Variants in LIFR observed in about 807,000 individuals in gnomAD.
LIFR encodes the protein LIF receptor subunit alpha, also known as leukemia inhibitory factor receptor.
LIFR carries 84 observed loss-of-function variants against 122.2 expected under a neutral mutation model. The observed-to-expected ratio is 0.69, with a 90% CI of 0.58 to 0.82. The LOEUF is 0.82. Among genes scored for constraint, LIFR ranks in the 40% least tolerant of loss-of-function variants. The pLI is 0.00. For missense variants in LIFR, 1,294 were observed against 1,311.6 expected, an observed-to-expected ratio of 0.99 and a Z score of 0.21; for synonymous variants, 422 against 434.7, an observed-to-expected ratio of 0.97 and a Z score of 0.36.
In LIFR at chr5:38,475,620, AC is replaced by A. The variant is rs1743689377; in HGVS notation, c.*5974del. The A allele has an allele frequency of 1.6e-5, 3 of 186,264 alleles. No individual in the cohort carries two copies. The highest frequency in any genetic ancestry group is 3.4e-5 in the Non-Finnish European group (3 of 87,918). 11.5% of individuals were successfully genotyped at this position (186,264 alleles called of 1,614,324 possible). ...AACATATAATACTCACTTTAAAAAA[AC>A]ATTCATTCTACAAACCTTATAAAAG... On this transcript the variant is annotated 3_prime_UTR_variant, in exon 20 of 20. Transcript: ENST00000453190.
chr5:38,599,858 A>AG (rs1750191764), upstream of LIFR, among the ~76,000 whole-genome samples: 1 of 152,218 alleles, frequency 6.6e-6, no homozygotes, highest in South Asian at 2.1e-4. Context: ...CCTCTCAGTA[A>AG]GGGCATTCCA....
chr5:38,500,359 G>T (rs1745114527), intron 11 of LIFR, among the ~76,000 whole-genome samples: 1 of 152,184 alleles, frequency 6.6e-6, no homozygotes, highest in Non-Finnish European at 1.5e-5. Context: ...AAGTGTTTCA[G>T]ATTTTGGATT....
At chr5:38,590,972 T>C (rs1449946722) in intron 1 of LIFR, among the ~76,000 whole-genome samples, 1 of 152,220 alleles carries the variant, frequency 6.6e-6, no homozygotes, top group Non-Finnish European at 1.5e-5. Flanking sequence ...CCTTATGGAA[T>C]GTACAGTCAG....
upstream of LIFR, among the ~76,000 whole-genome samples, chr5:38,600,138 A>G (rs912362396): frequency 6.6e-6 from 1 of 152,158 alleles, no homozygotes; most frequent in African/African-American, 2.4e-5. Context: ...CCAATCAGAA[A>G]ATCTTCTAAT....
intron 2 of LIFR, among the ~76,000 whole-genome samples, chr5:38,604,648 C>T (rs1463171957): frequency 1.3e-5 from 2 of 151,926 alleles, no homozygotes; most frequent in South Asian, 2.1e-4. Context: ...TTGCAGTGAG[C>T]CGAGATTGCG....
chr5:38,496,342 GT>G (rs1470873678), intron 13 of LIFR, 39 bp downstream of exon 13: 2 of 1,457,716 alleles, frequency 1.4e-6, no homozygotes, highest in Admixed American at 1.7e-5. Context: ...TCTCACTTTA[GT>G]TTCCCGTTCT....
chr5:38,599,637 GT>G (rs1750187456), upstream of LIFR, among the ~76,000 whole-genome samples: 1 of 152,164 alleles, frequency 6.6e-6, no homozygotes, highest in African/African-American at 2.4e-5. Flanking sequence ...TGCATTTTCA[GT>G]TACTTTTTTA....
At chr5:38,549,428 G>A (rs188566697) in intron 1 of LIFR, among the ~76,000 whole-genome samples, 65 of 152,228 alleles carry the variant, frequency 4.3e-4, no homozygotes, top group African/African-American at 1.4e-3. Context: ...TCACATGTAT[G>A]CACCACAATT....
At chr5:38,564,865 C>T (rs1748966221) in intron 1 of LIFR, among the ~76,000 whole-genome samples, 1 of 151,880 alleles carries the variant, frequency 6.6e-6, no homozygotes. Context: ...CCTACACCTT[C>T]TAGGTTCAAG....
intron 1 of LIFR, among the ~76,000 whole-genome samples, chr5:38,553,148 G>T: frequency 6.6e-6 from 1 of 152,104 alleles, no homozygotes; most frequent in East Asian, 1.9e-4. Flanking sequence ...GGTATGCAAG[G>T]CTCAGTCCTG....
chr5:38,535,378 A>T (rs1319422089), intron 1 of LIFR, among the ~76,000 whole-genome samples: 2 of 152,112 alleles, frequency 1.3e-5, no homozygotes, highest in Non-Finnish European at 2.9e-5. Flanking sequence ...ACAACACTTT[A>T]ATTATATTTA....
intron 5 of LIFR, among the ~76,000 whole-genome samples, chr5:38,522,518 A>G (rs1746456985): frequency 6.6e-6 from 1 of 152,168 alleles, no homozygotes; most frequent in African/African-American, 2.4e-5. Context: ...ATATTTTTAC[A>G]TATCTTTTCT....
At chr5:38,605,754 T>C (rs1750315457) in intron 2 of LIFR, among the ~76,000 whole-genome samples, 1 of 152,180 alleles carries the variant, frequency 6.6e-6, no homozygotes, top group African/African-American at 2.4e-5. Flanking sequence ...TAGCTGATTG[T>C]TTCCTTTGGA....
At chr5:38,530,359 T>C (rs1332095476) in intron 2 of LIFR, 147 bp downstream of exon 2, 2 of 675,516 alleles carry the variant, frequency 3.0e-6, no homozygotes, top group African/African-American at 1.9e-5. Context: ...TAAAAGAAAC[T>C]AAAAGTACAT....
At chr5:38,566,012 G>A (rs1007252159) in intron 1 of LIFR, among the ~76,000 whole-genome samples, 5 of 152,126 alleles carry the variant, frequency 3.3e-5, no homozygotes, top group African/African-American at 9.7e-5. Context: ...TGAAGCTTAC[G>A]TATTAAGACT....
rs555675663 is a variant in LIFR, at chr5:38,521,382, C to A, written c.561+2037G>T. Among the ~76,000 whole-genome samples the A allele has an allele frequency of 5.3e-4, 81 of 152,324 alleles. 1 individual carries two copies. Among genetic ancestry groups the A allele is most frequent in the African/African-American group, 1.7e-3 (72 of 41,578 alleles). Reference sequence around the variant, plus strand: ...TCACCAGCAAAGAGGGACAATTTGACTCTCTCTTTCCCAATTTGGATCCCT... The same window carrying A: ...TCACCAGCAAAGAGGGACAATTTGAATCTCTCTTTCCCAATTTGGATCCCT... On this transcript the variant is annotated intron_variant, in intron 5 of 19. Coordinates refer to ENST00000453190, the MANE Select transcript of LIFR (RefSeq NM_001127671.2).
At chr5:38,533,296 C>A (rs1039241319) in intron 1 of LIFR, among the ~76,000 whole-genome samples, 1 of 152,158 alleles carries the variant, frequency 6.6e-6, no homozygotes. Context: ...GAAAAGTAAT[C>A]ATGCAGAATA....
intron 11 of LIFR, among the ~76,000 whole-genome samples, chr5:38,501,771 G>GTT (rs901202565): frequency 8.7e-4 from 124 of 143,264 alleles, no homozygotes; most frequent in African/African-American, 3.0e-3. Context: ...CTATTTCTGA[G>GTT]TTTTTTTTTT....
intron 1 of LIFR, among the ~76,000 whole-genome samples, chr5:38,575,954 T>A (rs1043638419): frequency 6.6e-6 from 1 of 152,216 alleles, no homozygotes; most frequent in Non-Finnish European, 1.5e-5. Context: ...GATTTATTCC[T>A]GTGTCACTGG....
Sources: gnomAD v4.1 joint callset for allele counts (sites outside exome capture counted in the v4.1 genomes callset) on GRCh38, gnomAD v4.1.1 for gene constraint, MANE v1.5 for transcripts, NCBI Gene and HGNC (gene_info 2026-07-23, HGNC 2026-07-21) for gene names.